The following TBC1D22A variants were observed in gnomAD, a reference collection of about 807,000 sequenced individuals.
TBC1D22A encodes TBC1 domain family member 22A.
TBC1D22A carries 38 observed loss-of-function variants against 60.2 expected under a neutral mutation model. The observed-to-expected ratio is 0.63, with a 90% CI of 0.49 to 0.83. The LOEUF is 0.83. TBC1D22A is among the 40% of genes least tolerant of loss of function. The pLI, the probability that TBC1D22A is intolerant of heterozygous loss-of-function variation, is 0.00. For missense variants in TBC1D22A, 628 were observed against 701.0 expected (o/e 0.90, Z 1.18); for synonymous variants, 302 against 281.7 (o/e 1.07, Z -0.72).
chr22:47,017,612 C>T (rs569545543), intron 10 of TBC1D22A, among the ~76,000 whole-genome samples: 1 of 152,260 alleles, frequency 6.6e-6, no homozygotes, highest in South Asian at 2.1e-4. Context: ...GGTGGGGACA[C>T]TCAGGCTTTG....
chr22:47,105,430 A>G (rs1400000586), intron 11 of TBC1D22A, among the ~76,000 whole-genome samples: 1 of 152,234 alleles, frequency 6.6e-6, no homozygotes, highest in Non-Finnish European at 1.5e-5. Context: ...TAGGGGAGCA[A>G]CATCAAAGCT....
intron 11 of TBC1D22A, among the ~76,000 whole-genome samples, chr22:47,065,011 TCTCA>T (rs1300952469): frequency 6.6e-6 from 1 of 152,278 alleles, no homozygotes; most frequent in East Asian, 1.9e-4. Flanking sequence ...TGAGACGGAG[TCTCA>T]CTCTGTCACC....
rs977659375 is a variant in TBC1D22A at position 47,123,846 on chromosome 22, T to C, written c.1425+12243T>C. ...TGAAAGTGTGGGGTTTGCAGGGTCA[T>C]GCGTGCTGTGAGATCAGGTTTGTGT... On this transcript the variant is annotated intron_variant, in intron 12 of 12. Transcript: ENST00000337137. 9.2e-5 allele frequency among the ~76,000 whole-genome samples: 14 copies of C among 152,232 alleles called. No individual in the cohort carries two copies. In the South Asian group the frequency reaches 1.0e-3, roughly 11 times the overall value.
At chr22:46,913,884 C>A in intron 8 of TBC1D22A, 1 of 505,214 alleles carries the variant, frequency 2.0e-6, no homozygotes, top group Non-Finnish European at 2.6e-6. Flanking sequence ...TGACCACGAT[C>A]TTAATTGTCC....
chr22:46,929,796 C>T (rs777650218), intron 8 of TBC1D22A, among the ~76,000 whole-genome samples: 23 of 152,078 alleles, frequency 1.5e-4, no homozygotes, highest in Admixed American at 7.9e-4. Context: ...GATTGGAATC[C>T]GTGGACTGCA....
intron 8 of TBC1D22A, among the ~76,000 whole-genome samples, chr22:46,936,161 G>T (rs989257866): frequency 1.3e-5 from 2 of 152,364 alleles, no homozygotes; most frequent in Non-Finnish European, 1.5e-5. Context: ...GACACTCATG[G>T]TTCTTTCCTT....
intron 8 of TBC1D22A, among the ~76,000 whole-genome samples, chr22:46,955,437 G>A (rs911226192): frequency 2.0e-5 from 3 of 152,194 alleles, no homozygotes; most frequent in African/African-American, 4.8e-5. Context: ...AGCTTCTTAG[G>A]CATATGTATC....
At chr22:46,904,822 T>G (rs577570384) in intron 7 of TBC1D22A, among the ~76,000 whole-genome samples, 1 of 148,522 alleles carries the variant, frequency 6.7e-6, no homozygotes, top group South Asian at 2.1e-4. Context: ...TCACCCAGGC[T>G]GGAGTGCGGT....
chr22:47,169,092 G>A (rs756899197), intron 12 of TBC1D22A, among the ~76,000 whole-genome samples: 1 of 152,166 alleles, frequency 6.6e-6, no homozygotes, highest in Admixed American at 6.5e-5. Context: ...TGTGGTCCAT[G>A]GGGGGAAACT....
At chr22:46,769,093 CAA>C (rs61105868) in intron 1 of TBC1D22A, among the ~76,000 whole-genome samples, 4 of 72,652 alleles carry the variant, frequency 5.5e-5, no homozygotes, top group African/African-American at 5.7e-5. Context: ...GACTCTGTCT[CAA>C]AAAAAAAAAA....
Position 46,777,282 on chromosome 22 carries a change from A to G in TBC1D22A, c.62+14434A>G, listed in dbSNP as rs1248245787. Among the ~76,000 whole-genome samples, 1 of 152,178 alleles carries G rather than the reference A, an allele frequency of 6.6e-6. No individual in the cohort carries two copies. Among genetic ancestry groups the G allele is most frequent in the Admixed American group, 6.5e-5 (1 of 15,278 alleles). On this transcript the variant is annotated intron_variant, in intron 1 of 12. Transcript: ENST00000337137. The surrounding 1 kb of genome is among the most constrained non-coding windows in gnomAD (Gnocchi z 4.5). ...GGGCCAGTGAGAGCCAGGGGCCGCC[A>G]GAAGAGGGCTCGAGGGAGAGGTACG...
intron 9 of TBC1D22A, among the ~76,000 whole-genome samples, chr22:46,985,342 A>G (rs143765881): frequency 1.3e-5 from 2 of 152,152 alleles, no homozygotes; most frequent in Non-Finnish European, 2.9e-5. Context: ...TGCCGGCTCA[A>G]CTGTGCCCCT....
At chr22:46,870,993 C>T (rs1232355259) in intron 4 of TBC1D22A, among the ~76,000 whole-genome samples, 1 of 152,060 alleles carries the variant, frequency 6.6e-6, no homozygotes, top group African/African-American at 2.4e-5. Context: ...ATGTTTTAAA[C>T]ATAAAGACAG....
intron 8 of TBC1D22A, among the ~76,000 whole-genome samples, chr22:46,957,276 CTG>C (rs1227705055): frequency 4.6e-5 from 7 of 152,206 alleles, no homozygotes; most frequent in African/African-American, 1.7e-4. Context: ...TTCCCACACT[CTG>C]TAAAGAATAC....
chr22:46,901,588 ATAG>A (rs1348867429), intron 7 of TBC1D22A, among the ~76,000 whole-genome samples: 2 of 152,226 alleles, frequency 1.3e-5, no homozygotes, highest in Non-Finnish European at 2.9e-5. Context: ...TTGTAAACAT[ATAG>A]TCAGTAGTTT....
chr22:46,780,875 G>A (rs2083905149), intron 1 of TBC1D22A, among the ~76,000 whole-genome samples: 1 of 152,202 alleles, frequency 6.6e-6, no homozygotes, highest in African/African-American at 2.4e-5. Flanking sequence ...CAAGTTGGAG[G>A]CCTTAGCTAT....
chr22:46,969,586 C>T (rs2073965986), intron 8 of TBC1D22A, among the ~76,000 whole-genome samples: 1 of 152,228 alleles, frequency 6.6e-6, no homozygotes, highest in Non-Finnish European at 1.5e-5. Context: ...TTTTATGTGC[C>T]ATGACTTCAC....
chr22:46,872,371 C>T (rs1254892522), intron 4 of TBC1D22A, among the ~76,000 whole-genome samples: 2 of 152,018 alleles, frequency 1.3e-5, no homozygotes, highest in African/African-American at 4.8e-5. Context: ...AAAAGAGAAC[C>T]TGAGACCAAT....
intron 9 of TBC1D22A, among the ~76,000 whole-genome samples, chr22:46,977,999 C>T (rs888805630): frequency 2.0e-5 from 3 of 152,236 alleles, no homozygotes; most frequent in Non-Finnish European, 2.9e-5. Flanking sequence ...TTGTTTAACA[C>T]GCATTGTGGG....
Sources: gnomAD v4.1 joint callset for allele counts (sites outside exome capture counted in the v4.1 genomes callset) on GRCh38, gnomAD v4.1.1 for gene constraint, Gnocchi (gnomAD v3.1) non-coding constraint, MANE v1.5 for transcripts, NCBI Gene and HGNC (gene_info 2026-07-23, HGNC 2026-07-21) for gene names.